The following SPG7 variants were observed in gnomAD, a reference collection of about 807,000 sequenced individuals.
SPG7 encodes the protein SPG7 matrix AAA peptidase subunit, paraplegin.
In SPG7, 103 loss-of-function variants were observed where a neutral mutation model predicts 81.9. The ratio of observed to expected loss-of-function variants is 1.26; its 90% CI spans 1.07 to 1.48. The LOEUF is 1.48. Ranked by LOEUF, SPG7 falls within the 40% of genes most tolerant of loss-of-function variation. SPG7 has a pLI of 0.00. For missense variants in SPG7, 1,241 were observed against 1,087.3 expected (o/e 1.14, Z -1.99); for synonymous variants, 534 against 444.2 (o/e 1.20, Z -2.54).
At chr16:89,532,664 AT>A (rs1567915516) in intron 9 of SPG7, 28 bp downstream of exon 9, 6 of 1,611,870 alleles carry the variant, frequency 3.7e-6, no homozygotes, top group Non-Finnish European at 5.1e-6. Flanking sequence ...CCGCACCCCC[AT>A]TGCACCATCA....
chr16:89,543,693 G>T (rs921141082), intron 9 of SPG7: 2 of 144,458 alleles, frequency 1.4e-5, no homozygotes, highest in African/African-American at 5.2e-5. Flanking sequence ...TTGCCCTGTA[G>T]CCCAGGCTGG....
chr16:89,528,637 C>T (rs2058301056), intron 5 of SPG7: 1 of 143,020 alleles, frequency 7.0e-6, no homozygotes, highest in African/African-American at 2.6e-5. Flanking sequence ...GTCAGGGTCT[C>T]ACTCTGTCGC....
In SPG7 at chr16:89,553,289, G is replaced by T. The variant is rs8044175; in HGVS notation, c.1936+154G>T. 9,572 of 859,084 alleles carry T rather than the reference G, an allele frequency of 0.011. 434 individuals carry two copies. In the African/African-American group the frequency reaches 0.12, roughly 11 times the overall value. 53.2% of individuals were successfully genotyped at this position (859,084 alleles called of 1,614,324 possible). A position where few individuals can be genotyped will look rare whatever the true frequency, so the allele number is the denominator to read the frequency against. On this transcript the variant is annotated intron_variant, in intron 14 of 16. Coordinates refer to ENST00000645818, the MANE Select transcript of SPG7 (RefSeq NM_003119.4). Reference sequence around the variant, plus strand: ...AAAGATAAGTTGTGGTCATAAGAGAGTTGGAGCTAAGCAAGACTTCTTAGA... The same window carrying T: ...AAAGATAAGTTGTGGTCATAAGAGATTTGGAGCTAAGCAAGACTTCTTAGA...
intron 10 of SPG7, chr16:89,545,103 T>C (rs1482037792): frequency 2.6e-6 from 1 of 384,658 alleles, no homozygotes; most frequent in East Asian, 6.1e-5. Flanking sequence ...TTATAGCAAA[T>C]CCTTTGAAAC....
At position 89,548,073 on chromosome 16, in the gene SPG7, C is replaced by T; in HGVS notation, c.1623C>T (p.His541=). 1 of 1,610,290 alleles carries T rather than the reference C, an allele frequency of 6.2e-7. No individual in the cohort carries two copies. The highest frequency in any genetic ancestry group is 1.1e-5 in the South Asian group (1 of 91,086). Residue 541 remains histidine (H), a synonymous_variant, in exon 12 of 17, where the codon CAC becomes CAT. Transcript: ENST00000645818. ...CGCGGGAGGGACACACTTCCGTGCA[C>T]ACTCTCAACTTCGAGTACGCCGTGG... The part of the protein sequence containing the change: ...HAAREGHTSV[H]TLNFEYAVER...
In SPG7 at chr16:89,557,427, A is replaced by C. The variant is rs1597669388; in HGVS notation, c.*334A>C. ...CACCCAGAGGCAGCAGAGCATTCAGACTCCAAACAGACCCCTGTTCATGCC... is the reference window on the plus strand; with the variant it reads ...CACCCAGAGGCAGCAGAGCATTCAGCCTCCAAACAGACCCCTGTTCATGCC... On this transcript the variant is annotated 3_prime_UTR_variant, in exon 17 of 17. Transcript: ENST00000645818. 1 of 362,974 alleles carries C rather than the reference A, an allele frequency of 2.8e-6. No homozygotes were observed. The highest frequency in any genetic ancestry group is 2.7e-5 in the South Asian group (1 of 37,514). The allele number at this position is 362,974 out of a possible 1,614,324, so 22.5% of individuals were successfully genotyped here. A position where few individuals can be genotyped will look rare whatever the true frequency, so the allele number is the denominator to read the frequency against.
intron 12 of SPG7, chr16:89,550,027 G>A (rs2058614889): frequency 4.0e-6 from 1 of 252,330 alleles, no homozygotes; most frequent in South Asian, 4.7e-5. Context: ...TTGACCTGAA[G>A]AGTGTCGTTT....
intron 9 of SPG7, chr16:89,540,331 G>A (rs2058478749): frequency 6.6e-6 from 1 of 152,164 alleles, no homozygotes; most frequent in Non-Finnish European, 1.5e-5. Flanking sequence ...CCATACGTGT[G>A]ATCCCAGCAT....
chr16:89,541,827 A>G (rs457372), intron 9 of SPG7: 97,434 of 152,024 alleles, frequency 0.64, 31,337 homozygotes, highest in East Asian at 0.72. Context: ...ATAGCTGCCC[A>G]GGGGGAGCAT....
chr16:89,508,825 C>A (rs1235581141), intron 1 of SPG7: 9 of 686,800 alleles, frequency 1.3e-5, no homozygotes, highest in Non-Finnish European at 2.4e-5. Flanking sequence ...TCCGCGCAGT[C>A]CTCGGCGTGG....
intron 7 of SPG7, chr16:89,531,516 G>A: frequency 3.5e-6 from 1 of 284,354 alleles, no homozygotes; most frequent in East Asian, 9.6e-5. Context: ...AGGGATCACA[G>A]GCGCCCACCA....
Position 89,526,421 on chromosome 16 carries a change from C to A in SPG7, c.711C>A (p.Ala237=), listed in dbSNP as rs1424369488. Residue 237 remains alanine (A), a synonymous_variant, in exon 5 of 17, where the codon GCC becomes GCA. Transcript: ENST00000645818. ...RAAEDELNIE[A]KDRIPVSYKR... ...CTGAAGATGAGCTGAATATCGAGGC[C>A]AAGGACAGGATCCCAGTTTCCTACA... 1.2e-6 allele frequency: 2 copies of A among 1,614,128 alleles called. No individual in the cohort carries two copies. The highest frequency in any genetic ancestry group is 1.7e-6 in the Non-Finnish European group (2 of 1,180,038).
In SPG7 at chr16:89,508,424, G is replaced by A; in HGVS notation, c.7G>A (p.Val3Met). 1 of 1,490,712 alleles carries A rather than the reference G, an allele frequency of 6.7e-7. No individual in the cohort carries two copies. Among genetic ancestry groups the A allele is most frequent in the Non-Finnish European group, 8.9e-7 (1 of 1,127,128 alleles). 92.3% of individuals were successfully genotyped at this position (1,490,712 alleles called of 1,614,324 possible). The change falls in exon 1 of 17, where the codon GTG becomes ATG. Residue 3 changes from valine (V) to methionine (M), a missense_variant. Physicochemically the swap from Val to Met is conservative, Grantham distance 21 (BLOSUM62 1). Coordinates refer to ENST00000645818, the MANE Select transcript of SPG7 (RefSeq NM_003119.4). Reference protein sequence around the residue: MAVLLLLLRALRR... With the variant: MAMLLLLLRALRR... ...GCGCGGCTTTCAGGCCAACATGGCC[G>A]TGCTGCTGCTGCTGCTCCGTGCCCT...
chr16:89,525,288 C>A lies in SPG7; in HGVS notation c.618+1041C>A, dbSNP rs568822605. 6.2e-4 allele frequency among the ~76,000 whole-genome samples: 94 copies of A among 152,324 alleles called. 2 individuals are homozygous for A. The highest frequency in any genetic ancestry group is 3.1e-3 in the South Asian group (15 of 4,832). The stretch of plus-strand genomic sequence containing the variant: ...GGCGCTGTCTTGCTATTTTTAAAAA[C>A]AGGAAACCTTGTTCTTAAAATACAC... On this transcript the variant is annotated intron_variant, in intron 4 of 16. Transcript: ENST00000645818.
At chr16:89,536,629 GGGTGAGGCGGGCGAGGTGGGCGAGGCA>G in intron 9 of SPG7, 1 of 1,005,302 alleles carries the variant, frequency 9.9e-7, no homozygotes, top group Non-Finnish European at 1.5e-6. Flanking sequence ...GGGTGAGGGC[GGGTGAGGCGGGCGAGGTGGGCGAGGCA>G]GGCGAGGCGG....
chr16:89,509,813 C>G (rs1466349666), intron 1 of SPG7, among the ~76,000 whole-genome samples: 1 of 110,596 alleles, frequency 9.0e-6, no homozygotes, highest in African/African-American at 3.4e-5. Context: ...TTTTTTGTGA[C>G]AATCTCGCTG....
intron 16 of SPG7, 140 bp from the exon 17 acceptor site, chr16:89,556,747 C>T (rs1165280543): frequency 5.4e-6 from 4 of 744,646 alleles, no homozygotes; most frequent in Non-Finnish European, 9.9e-6. Context: ...TGCCTCCGTG[C>T]CTCCGCTTCC....
intron 4 of SPG7, among the ~76,000 whole-genome samples, chr16:89,525,247 G>A (rs888276040): frequency 5.3e-5 from 8 of 152,136 alleles, no homozygotes; most frequent in Non-Finnish European, 7.3e-5. Flanking sequence ...GATCACAGGC[G>A]TCAGCCACCA....
intron 6 of SPG7, 109 bp downstream of exon 6, chr16:89,529,688 T>A: frequency 1.2e-6 from 1 of 833,618 alleles, no homozygotes; most frequent in Non-Finnish European, 2.0e-6. Context: ...TTGCAGAGAG[T>A]AGCCTGAAGC....
Sources: gnomAD v4.1 joint callset for allele counts (sites outside exome capture counted in the v4.1 genomes callset) on GRCh38, gnomAD v4.1.1 for gene constraint, MANE v1.5 for transcripts, NCBI Gene and HGNC (gene_info 2026-07-23, HGNC 2026-07-21) for gene names.